ZNF486: variants seen among roughly 807,000 people sequenced by gnomAD.
ZNF486 encodes zinc finger protein 486.
Under a neutral mutation model 12.8 loss-of-function variants are expected in ZNF486, and 12 were observed. The ratio of observed to expected loss-of-function variants is 0.94; its 90% confidence interval spans 0.60 to 1.52. The LOEUF (loss-of-function observed/expected upper bound fraction) is 1.52. ZNF486 is among the 40% of genes most tolerant of loss of function. The pLI, the probability that ZNF486 is intolerant of heterozygous loss-of-function variation, is 0.00. For synonymous variants in ZNF486, 231 were observed against 184.9 expected, an observed-to-expected ratio of 1.25 and a Z score of -2.02; for missense variants, 738 against 545.0, an observed-to-expected ratio of 1.35 and a Z score of -3.53.
chr19:20,193,262 A>G (rs910690233), intron 3 of ZNF486, among the ~76,000 whole-genome samples: 1 of 150,964 alleles, frequency 6.6e-6, no homozygotes, highest in African/African-American at 2.4e-5. Context: ...TATTTCTTAT[A>G]TTTTATTAAA....
Position 20,197,006 on chromosome 19 carries a change from G to T in ZNF486, c.296G>T (p.Ser99Ile), listed in dbSNP as rs1049817018. The T allele has an allele frequency of 4.4e-6, 7 of 1,599,944 alleles. No individual in the cohort carries two copies. The highest frequency in any genetic ancestry group is 5.1e-6 in the Non-Finnish European group (6 of 1,175,080). Residue 99 changes from serine (S) to isoleucine (I), a missense_variant, in exon 4 of 4, where the codon AGC becomes ATC. Physicochemically the swap from Ser to Ile is moderately radical, Grantham distance 142. Coordinates refer to ENST00000335117, the MANE Select transcript of ZNF486 (RefSeq NM_052852.4). The stretch of plus-strand genomic sequence containing the variant: ...GCCCAAGACCTTTGGCCAGAGCAGA[G>T]CATAAAAGATTCTTACCAAAAAGTG... The part of the protein sequence containing the change: ...HFAQDLWPEQ[S>I]IKDSYQKVIL...
rs891989326 is a variant in ZNF486, at chr19:20,196,565, A to G, written c.254-399A>G. Among the ~76,000 whole-genome samples the G allele has an allele frequency of 2.0e-5, 3 of 152,064 alleles. No homozygotes were observed. The East Asian group carries it at 5.8e-4, about 29-fold the overall frequency. On this transcript the variant is annotated intron_variant, in intron 3 of 3. Transcript: ENST00000335117. Reference sequence around the variant, plus strand: ...GGATGGCCTTGAACTCCTGACCTCAAGTGATTCACCCATCTCAGCCTCCGA... The same window carrying G: ...GGATGGCCTTGAACTCCTGACCTCAGGTGATTCACCCATCTCAGCCTCCGA...
rs782194927 is a variant in ZNF486, at chr19:20,197,089, G to A, written c.379G>A (p.Glu127Lys). Residue 127 changes from glutamate to lysine, a missense_variant, in exon 4 of 4, where the codon GAA becomes AAA. Coordinates refer to ENST00000335117, the MANE Select transcript of ZNF486 (RefSeq NM_052852.4). ...CAATTTACACTTTAAAAAAGGCTGT[G>A]AAAGTGTGGATGAGTGTAAGTTACA... ...HGNLHFKKGC[E>K]SVDECKLHKR... 2.5e-6 allele frequency: 4 copies of A among 1,612,802 alleles called. No homozygotes were observed. The African/African-American group carries it at 5.3e-5, about 22-fold the overall frequency.
chr19:20,168,290 C>G (rs981561156), intron 1 of ZNF486, among the ~76,000 whole-genome samples: 19 of 151,090 alleles, frequency 1.3e-4, no homozygotes, highest in Admixed American at 1.3e-3. Context: ...ACCCAGGAGG[C>G]GGAGGTTGCA....
At chr19:20,190,409 C>T (rs1555717022) in intron 3 of ZNF486, among the ~76,000 whole-genome samples, 1 of 152,182 alleles carries the variant, frequency 6.6e-6, no homozygotes, top group Non-Finnish European at 1.5e-5. Flanking sequence ...TGTTTTAAGA[C>T]AAGATCTTAC....
At chr19:20,187,500 G>A (rs1555716658) in intron 3 of ZNF486, among the ~76,000 whole-genome samples, 1 of 119,662 alleles carries the variant, frequency 8.4e-6, no homozygotes, top group Non-Finnish European at 1.7e-5. Flanking sequence ...ACCTCTTCAA[G>A]TTTTTTTTTT....
intron 1 of ZNF486, among the ~76,000 whole-genome samples, chr19:20,174,650 T>TA (rs782079948): frequency 4.6e-5 from 7 of 152,172 alleles, no homozygotes; most frequent in Non-Finnish European, 1.0e-4. Flanking sequence ...CAGCTTCCCA[T>TA]AGTGCTAAGA....
At chr19:20,185,902 AT>A in intron 2 of ZNF486, 84 bp from the exon 3 acceptor site, 1 of 751,066 alleles carries the variant, frequency 1.3e-6, no homozygotes. Context: ...AGAATATTTT[AT>A]TACATTCTTT....
Position 20,197,530 on chromosome 19 carries a change from G to T in ZNF486, c.820G>T (p.Ala274Ser). 1 of 1,612,766 alleles carries T rather than the reference G, an allele frequency of 6.2e-7. No individual in the cohort carries two copies. The highest frequency in any genetic ancestry group is 8.5e-7 in the Non-Finnish European group (1 of 1,179,420). ...KPYICEECGK[A>S]FMYPYTLTTH... ...CTACATTTGTGAAGAATGTGGCAAAGCCTTTATGTACCCCTATACCCTTAC... is the reference window on the plus strand; with the variant it reads ...CTACATTTGTGAAGAATGTGGCAAATCCTTTATGTACCCCTATACCCTTAC... Residue 274 changes from alanine (A) to serine (S), a missense_variant, in exon 4 of 4, where the codon GCC becomes TCC. Transcript: ENST00000335117.
chr19:20,178,402 C>A (rs1305942926), intron 1 of ZNF486, among the ~76,000 whole-genome samples: 1 of 152,048 alleles, frequency 6.6e-6, no homozygotes, highest in Non-Finnish European at 1.5e-5. Flanking sequence ...CACCACCACA[C>A]CTGGCTAATT....
At chr19:20,169,366 C>A (rs530816958) in intron 1 of ZNF486, among the ~76,000 whole-genome samples, 2 of 152,330 alleles carry the variant, frequency 1.3e-5, no homozygotes, top group East Asian at 3.9e-4. Context: ...GCCTTGGCCT[C>A]CCAAAGTGCT....
intron 3 of ZNF486, among the ~76,000 whole-genome samples, chr19:20,196,132 C>T (rs1300268368): frequency 1.3e-5 from 2 of 152,120 alleles, no homozygotes; most frequent in Non-Finnish European, 2.9e-5. Context: ...AATTCTCCTG[C>T]CTCAGCATCC....
rs368550562 is a variant in ZNF486 at position 20,170,595 on chromosome 19, A to T, written c.30+3235A>T. On this transcript the variant is annotated intron_variant, in intron 1 of 3. Coordinates refer to ENST00000335117, the MANE Select transcript of ZNF486 (RefSeq NM_052852.4). ...TCACAAGAAAAAAAAAAGAAATTTG[A>T]CCACTGAAGACATATTCAGCTGATT... is the stretch of plus-strand genomic sequence containing the variant. Among the ~76,000 whole-genome samples the T allele has an allele frequency of 2.6e-5, 4 of 152,054 alleles. No homozygotes were observed. The South Asian group carries it at 6.2e-4, about 24-fold the overall frequency.
intron 3 of ZNF486, among the ~76,000 whole-genome samples, chr19:20,192,437 C>T (rs1032752189): frequency 1.3e-5 from 2 of 152,212 alleles, no homozygotes; most frequent in Non-Finnish European, 2.9e-5. Context: ...TCCCAAGTAG[C>T]TGGGATTACA....
At chr19:20,190,171 G>A (rs781880981) in intron 3 of ZNF486, among the ~76,000 whole-genome samples, 9 of 152,122 alleles carry the variant, frequency 5.9e-5, no homozygotes, top group Non-Finnish European at 1.0e-4. Flanking sequence ...CTTTGTGTCA[G>A]TATCACATTG....
At chr19:20,186,623 C>G (rs2089849730) in intron 3 of ZNF486, among the ~76,000 whole-genome samples, 1 of 151,892 alleles carries the variant, frequency 6.6e-6, no homozygotes. Flanking sequence ...CTTTGGCTAT[C>G]AAAGTTATTT....
chr19:20,186,108 A>G (rs1555716394), intron 3 of ZNF486, 26 bp downstream of exon 3: 1 of 1,549,196 alleles, frequency 6.5e-7, no homozygotes, highest in African/African-American at 1.4e-5. Context: ...AATGAACACA[A>G]CAGACAATGC....
intron 1 of ZNF486, among the ~76,000 whole-genome samples, chr19:20,174,513 C>T (rs556283406): frequency 1.3e-4 from 20 of 151,884 alleles, no homozygotes; most frequent in Admixed American, 4.6e-4. Context: ...CTCAGCCTTC[C>T]GAGTAGCTGG....
intron 1 of ZNF486, among the ~76,000 whole-genome samples, chr19:20,168,677 C>A (rs892996736): frequency 2.7e-4 from 41 of 151,636 alleles, no homozygotes; most frequent in Non-Finnish European, 4.7e-4. Flanking sequence ...AAGTAAGAAT[C>A]TTAAAATTTT....
Sources: allele counts gnomAD v4.1 joint callset (sites outside exome capture counted in the v4.1 genomes callset), GRCh38; gene constraint gnomAD v4.1.1; transcripts MANE v1.5; gene names NCBI Gene and HGNC (gene_info 2026-07-23, HGNC 2026-07-21).